PRXL2C: variants seen among roughly 807,000 people sequenced by gnomAD.
PRXL2C encodes peroxiredoxin-like 2C.
A neutral mutation model predicts 24.9 loss-of-function variants in PRXL2C; 38 were observed. The observed-to-expected ratio is 1.53, with a 90% confidence interval of 1.18 to 2.00. The LOEUF is 2.00. Among genes scored for constraint, PRXL2C ranks in the 30% most tolerant of loss-of-function variants. The pLI is 0.00. For missense variants in PRXL2C, 294 were observed against 290.9 expected, an observed-to-expected ratio of 1.01 and a Z score of -0.08; for synonymous variants, 98 against 117.2, an observed-to-expected ratio of 0.84 and a Z score of 1.06.
chr9:96,653,237 A>AAAG (rs1174940764), intron 2 of PRXL2C, among the ~76,000 whole-genome samples: 1 of 147,312 alleles, frequency 6.8e-6, no homozygotes, highest in Admixed American at 6.6e-5. Context: ...AAAAAAAAAA[A>AAAG]AAGAAGAAAA....
chr9:96,642,326 C>T (rs1203580324), intron 5 of PRXL2C, among the ~76,000 whole-genome samples: 2 of 152,056 alleles, frequency 1.3e-5, no homozygotes, highest in Non-Finnish European at 2.9e-5. Context: ...ATTTAACAGG[C>T]TATCTGTATT....
chr9:96,652,523 A>G (rs1243155944), intron 2 of PRXL2C, among the ~76,000 whole-genome samples: 2 of 150,316 alleles, frequency 1.3e-5, no homozygotes, highest in African/African-American at 4.9e-5. Flanking sequence ...TCCGCCTCAA[A>G]AAAAAAAAAA....
chr9:96,651,642 A>G lies in PRXL2C; in HGVS notation c.315+17T>C, dbSNP rs28377520. The G allele has an allele frequency of 0.027, 43,280 of 1,597,548 alleles. 9,638 individuals are homozygous for G. In the African/African-American group the frequency reaches 0.5, roughly 18 times the overall value. On this transcript the variant is annotated intron_variant, in intron 3 of 5. Transcript: ENST00000375234. ...ACAGATTTTATTCATTAGTCTCCCA[A>G]TGTACTAGATATTTACCTCAATATG...
chr9:96,648,567 T>A (rs1848226352), intron 4 of PRXL2C, among the ~76,000 whole-genome samples: 1 of 152,152 alleles, frequency 6.6e-6, no homozygotes, highest in South Asian at 2.1e-4. Flanking sequence ...CTCAAAAAAA[T>A]TATTTTATGA....
chr9:96,641,064 G>A lies in PRXL2C; in HGVS notation c.*695C>T, dbSNP rs1261497030. ...TTCCTCTGAGTAAAGCAATTACGATGGAAAAGTGGACTACAGCTTATATAA... is the reference window on the plus strand; with the variant it reads ...TTCCTCTGAGTAAAGCAATTACGATAGAAAAGTGGACTACAGCTTATATAA... On this transcript the variant is annotated 3_prime_UTR_variant, in exon 6 of 6. Transcript: ENST00000375234. 2.0e-5 allele frequency: 3 copies of A among 152,088 alleles called. No individual in the cohort carries two copies. The highest frequency in any genetic ancestry group is 4.4e-5 in the Non-Finnish European group (3 of 68,018). 9.4% of individuals were successfully genotyped at this position (152,088 alleles called of 1,614,324 possible).
chr9:96,653,335 G>A (rs1848300938), intron 2 of PRXL2C, among the ~76,000 whole-genome samples: 1 of 152,152 alleles, frequency 6.6e-6, no homozygotes, highest in Non-Finnish European at 1.5e-5. Flanking sequence ...AGGACATCGT[G>A]TAAGTGAAAT....
intron 5 of PRXL2C, among the ~76,000 whole-genome samples, chr9:96,644,881 C>T (rs1429068834): frequency 0.014 from 520 of 36,364 alleles, 2 homozygotes; most frequent in Middle Eastern, 0.028. Context: ...TACATGGATT[C>T]TTTTTTTTTT....
Position 96,647,048 on chromosome 9 carries a change from C to A in PRXL2C, c.422-1024G>T, listed in dbSNP as rs573671183. 2.6e-4 allele frequency among the ~76,000 whole-genome samples: 40 copies of A among 152,238 alleles called. 1 individual carries two copies. Among genetic ancestry groups the A allele is most frequent in the African/African-American group, 8.9e-4 (37 of 41,516 alleles). On this transcript the variant is annotated intron_variant, in intron 4 of 5. Transcript: ENST00000375234. The stretch of plus-strand genomic sequence containing the variant: ...CAGGTGATCTGCCCGCCTTGGCCTC[C>A]CAAAGTGCTGGGATTACAAGCATAA...
chr9:96,646,073 T>A, intron 4 of PRXL2C, 49 bp from the exon 5 acceptor site: 2 of 1,521,954 alleles, frequency 1.3e-6, no homozygotes, highest in South Asian at 2.4e-5. Flanking sequence ...TTCAATTTGA[T>A]ATTAAGAAGA....
Position 96,651,654 on chromosome 9 carries a change from T to C in PRXL2C, c.315+5A>G. On this transcript the variant is annotated splice_donor_5th_base_variant and intron_variant, in intron 3 of 5. Transcript: ENST00000375234. ...CATTAGTCTCCCAATGTACTAGATA[T>C]TTACCTCAATATGATGGTAGGATGA... 1 of 1,605,722 alleles carries C rather than the reference T, an allele frequency of 6.2e-7. No homozygotes were observed. The highest frequency in any genetic ancestry group is 8.5e-7 in the Non-Finnish European group (1 of 1,174,198).
chr9:96,644,881 CTTTTTTTTTTTTTTTTTTTTTTTTTT>C (rs530343244), intron 5 of PRXL2C, among the ~76,000 whole-genome samples: 1 of 36,672 alleles, frequency 2.7e-5, no homozygotes, highest in African/African-American at 6.1e-5. Context: ...TACATGGATT[CTTTTTTTTTTTTTTTTTTTTTTTTTT>C]TTTTTTTTTG....
intron 5 of PRXL2C, among the ~76,000 whole-genome samples, chr9:96,644,881 C>CTTTTT (rs530343244): frequency 0.011 from 407 of 36,722 alleles, 129 homozygotes; most frequent in East Asian, 0.037. Context: ...TACATGGATT[C>CTTTTT]TTTTTTTTTT....
At chr9:96,648,917 A>T (rs2119183509) in intron 4 of PRXL2C, among the ~76,000 whole-genome samples, 1 of 152,066 alleles carries the variant, frequency 6.6e-6, no homozygotes, top group South Asian at 2.1e-4. Flanking sequence ...GGGATTACAG[A>T]TGTGCACCAC....
At chr9:96,653,945 A>G (rs1848311436) in intron 2 of PRXL2C, among the ~76,000 whole-genome samples, 1 of 151,458 alleles carries the variant, frequency 6.6e-6, no homozygotes, top group African/African-American at 2.4e-5. Context: ...GGTTCACGCC[A>G]TTCTCCTGCC....
chr9:96,651,196 C>T (rs944547188), intron 4 of PRXL2C, among the ~76,000 whole-genome samples, 194 bp downstream of exon 4: 22 of 152,134 alleles, frequency 1.4e-4, no homozygotes, highest in African/African-American at 5.1e-4. Flanking sequence ...GAGAATCATT[C>T]GAACCCGGGA....
intron 5 of PRXL2C, 56 bp from the exon 6 acceptor site, chr9:96,641,942 G>A (rs755102516): frequency 1.6e-5 from 22 of 1,356,778 alleles, no homozygotes; most frequent in Non-Finnish European, 2.1e-5. Context: ...CAGATTTACT[G>A]CTTACTAAAA....
At chr9:96,651,056 C>T (rs1427651233) in intron 4 of PRXL2C, among the ~76,000 whole-genome samples, 1 of 151,948 alleles carries the variant, frequency 6.6e-6, no homozygotes, top group African/African-American at 2.4e-5. Context: ...TTTGGGAGGC[C>T]GAGACAGGTC....
At chr9:96,655,027 C>T in intron 1 of PRXL2C, 63 bp downstream of exon 1, 1 of 1,415,494 alleles carries the variant, frequency 7.1e-7, no homozygotes, top group Non-Finnish European at 9.2e-7. Flanking sequence ...GCGCGGCTCG[C>T]ATCCCGGCAG....
In PRXL2C at chr9:96,653,003, A is replaced by G. The variant is rs375935450; in HGVS notation, c.262-1291T>C. Among the ~76,000 whole-genome samples, 48 of 152,268 alleles carry G rather than the reference A, an allele frequency of 3.2e-4. No individual in the cohort carries two copies. In the East Asian group the frequency reaches 6.2e-3, roughly 20 times the overall value. On this transcript the variant is annotated intron_variant, in intron 2 of 5. Coordinates refer to ENST00000375234, the MANE Select transcript of PRXL2C (RefSeq NM_153698.2). ...AGCACTTTGGGAGGCCAAGGCGGGC[A>G]GATCACGAGGTCAGGAGATGGAGAC... is the stretch of plus-strand genomic sequence containing the variant.
Sources: allele counts gnomAD v4.1 joint callset (sites outside exome capture counted in the v4.1 genomes callset), GRCh38; gene constraint gnomAD v4.1.1; transcripts MANE v1.5; gene names NCBI Gene and HGNC (gene_info 2026-07-23, HGNC 2026-07-21).